The following TRAPPC9 variants were observed in gnomAD, a reference collection of about 807,000 sequenced individuals.
TRAPPC9 encodes the protein trafficking protein particle complex subunit 9.
A neutral mutation model predicts 124.0 loss-of-function variants in TRAPPC9; 83 were observed. That is an observed-to-expected ratio of 0.67 (90% CI 0.56 to 0.80). The LOEUF is 0.80. Ranked by LOEUF, TRAPPC9 falls within the 30% of genes least tolerant of loss-of-function variation. The pLI is 0.00. For missense variants in TRAPPC9, 1,302 were observed against 1,508.3 expected (o/e 0.86, Z 2.27); for synonymous variants, 638 against 617.5 (o/e 1.03, Z -0.49).
chr8:139,958,372 G>A (rs1485286176), intron 19 of TRAPPC9, among the ~76,000 whole-genome samples: 1 of 152,032 alleles, frequency 6.6e-6, no homozygotes, highest in Non-Finnish European at 1.5e-5. Flanking sequence ...GAACCACACC[G>A]TTCCCACAGC....
At chr8:140,229,251 CTTTTTTTTTTTTTTTTT>C (rs528175891) in intron 16 of TRAPPC9, among the ~76,000 whole-genome samples, 2 of 99,818 alleles carry the variant, frequency 2.0e-5, no homozygotes, top group African/African-American at 4.6e-5. Flanking sequence ...TTTTCTTTTT[CTTTTTTTTTTTTTTTTT>C]TTTTTTTTTT....
At chr8:139,813,007 G>A (rs576314325) in intron 21 of TRAPPC9, among the ~76,000 whole-genome samples, 1 of 152,364 alleles carries the variant, frequency 6.6e-6, no homozygotes, top group South Asian at 2.1e-4. Flanking sequence ...CCAAATGGGT[G>A]TGACCGGCCC....
At chr8:140,370,746 C>T (rs2068257420) in intron 8 of TRAPPC9, among the ~76,000 whole-genome samples, 1 of 152,196 alleles carries the variant, frequency 6.6e-6, no homozygotes, top group Non-Finnish European at 1.5e-5. Flanking sequence ...TTCTGACTCC[C>T]ACTGATAAAG....
chr8:139,857,252 G>C (rs533671438), intron 21 of TRAPPC9, among the ~76,000 whole-genome samples: 3 of 152,174 alleles, frequency 2.0e-5, no homozygotes, highest in Non-Finnish European at 4.4e-5. Flanking sequence ...GCCTGGTATC[G>C]CAGGACACAC....
At chr8:139,848,829 G>A (rs1008592398) in intron 21 of TRAPPC9, among the ~76,000 whole-genome samples, 2 of 152,188 alleles carry the variant, frequency 1.3e-5, no homozygotes, top group Admixed American at 6.5e-5. Flanking sequence ...GCCAACTCTA[G>A]ATGCTGCTGC....
chr8:140,286,768 G>A (rs2065494601), intron 13 of TRAPPC9, among the ~76,000 whole-genome samples: 1 of 152,164 alleles, frequency 6.6e-6, no homozygotes, highest in East Asian at 1.9e-4. Flanking sequence ...GGCTGGAGGT[G>A]CAGGCTGGGA....
At chr8:140,253,592 C>T (rs966388303) in intron 15 of TRAPPC9, among the ~76,000 whole-genome samples, 2 of 152,122 alleles carry the variant, frequency 1.3e-5, no homozygotes, top group African/African-American at 4.8e-5. Context: ...GCAGGAGAAT[C>T]GCTTGAACCC....
At chr8:140,132,887 T>C (rs1056436134) in intron 17 of TRAPPC9, among the ~76,000 whole-genome samples, 1 of 152,126 alleles carries the variant, frequency 6.6e-6, no homozygotes, top group Non-Finnish European at 1.5e-5. Flanking sequence ...AGAGAGGCCA[T>C]GGGCACCCAA....
At chr8:139,784,062 T>G (rs1315217530) in intron 21 of TRAPPC9, among the ~76,000 whole-genome samples, 1 of 152,230 alleles carries the variant, frequency 6.6e-6, no homozygotes, top group Admixed American at 6.5e-5. Context: ...AAAGACCCCA[T>G]GCTTTCCCCT....
intron 17 of TRAPPC9, among the ~76,000 whole-genome samples, chr8:140,172,476 G>A (rs1008576430): frequency 1.3e-5 from 1 of 75,360 alleles, no homozygotes; most frequent in Non-Finnish European, 2.5e-5. Context: ...CTACCTCTGG[G>A]CAATGGAGGG....
chr8:140,231,761 C>T lies in TRAPPC9; in HGVS notation c.2432-10178G>A, dbSNP rs146842964. On this transcript the variant is annotated intron_variant, in intron 16 of 22. Transcript: ENST00000438773. ...TGGAACTGACTTTGCTCTTTTCTGC[C>T]ACAGGGTTTTTACACGCACATAAAA... Among the ~76,000 whole-genome samples, 5 of 151,660 alleles carry T rather than the reference C, an allele frequency of 3.3e-5. No individual in the cohort carries two copies. In the East Asian group the frequency reaches 9.7e-4, roughly 29 times the overall value.
At chr8:140,422,427 A>G (rs1048879493) in intron 5 of TRAPPC9, among the ~76,000 whole-genome samples, 1 of 152,206 alleles carries the variant, frequency 6.6e-6, no homozygotes, top group African/African-American at 2.4e-5. Context: ...TTTGCGAATC[A>G]TATATCAAAG....
chr8:140,273,627 C>T (rs78475804), intron 15 of TRAPPC9, among the ~76,000 whole-genome samples: 3,103 of 152,282 alleles, frequency 0.02, 104 homozygotes, highest in African/African-American at 0.068. Context: ...GGTAACCCCT[C>T]GGCATTCCTG....
intron 18 of TRAPPC9, among the ~76,000 whole-genome samples, chr8:139,999,187 C>A (rs915199395): frequency 6.6e-6 from 1 of 151,634 alleles, no homozygotes; most frequent in Non-Finnish European, 1.5e-5. Flanking sequence ...TGTCAGAATA[C>A]GTTTAAACAA....
chr8:139,806,860 A>G (rs1296495480), intron 21 of TRAPPC9, among the ~76,000 whole-genome samples: 1 of 152,230 alleles, frequency 6.6e-6, no homozygotes, highest in Admixed American at 6.5e-5. Flanking sequence ...TCTGGTGTGC[A>G]CACGCACGGG....
intron 2 of TRAPPC9, among the ~76,000 whole-genome samples, chr8:140,445,055 C>T (rs576329220): frequency 4.6e-5 from 7 of 152,258 alleles, no homozygotes; most frequent in African/African-American, 1.7e-4. Flanking sequence ...CCACCTCCTG[C>T]CCCTGAGCTC....
chr8:140,444,574 A>G (rs944191878), intron 2 of TRAPPC9, among the ~76,000 whole-genome samples: 1 of 151,634 alleles, frequency 6.6e-6, no homozygotes, highest in African/African-American at 2.4e-5. Flanking sequence ...AATATAGAAA[A>G]CCCCAGTCAG....
At chr8:139,748,061 C>T (rs1455595027) in intron 21 of TRAPPC9, among the ~76,000 whole-genome samples, 4 of 16,966 alleles carry the variant, frequency 2.4e-4, no homozygotes, top group Non-Finnish European at 9.3e-5. Context: ...GGGGGTGTCC[C>T]GGGGTCAGAG....
intron 20 of TRAPPC9, among the ~76,000 whole-genome samples, chr8:139,890,237 G>A (rs540505026): frequency 6.6e-6 from 1 of 152,382 alleles, no homozygotes; most frequent in South Asian, 2.1e-4. Flanking sequence ...CCCTTCCCAA[G>A]CCCTAAGCCG....
Sources: allele counts gnomAD v4.1 joint callset (sites outside exome capture counted in the v4.1 genomes callset), GRCh38; gene constraint gnomAD v4.1.1; transcripts MANE v1.5; gene names NCBI Gene and HGNC (gene_info 2026-07-23, HGNC 2026-07-21).